Variants in ANGPT1 observed in about 807,000 individuals in gnomAD.
ANGPT1 encodes the protein angiopoietin-1.
A neutral mutation model predicts 62.2 loss-of-function variants in ANGPT1; 17 were observed. The observed-to-expected ratio is 0.27, with a 90% confidence interval of 0.19 to 0.41. The LOEUF (loss-of-function observed/expected upper bound fraction) is 0.41. Among genes scored for constraint, ANGPT1 ranks in the 10% least tolerant of loss-of-function variants. The pLI, the probability that ANGPT1 is intolerant of heterozygous loss-of-function variation, is 1.00. For synonymous variants in ANGPT1, 199 were observed against 198.9 expected (o/e 1.00, Z 0.00); for missense variants, 478 against 594.9 (o/e 0.80, Z 2.04).
intron 7 of ANGPT1, among the ~76,000 whole-genome samples, chr8:107,267,607 C>T (rs1321498392): frequency 1.3e-5 from 2 of 152,064 alleles, no homozygotes; most frequent in Non-Finnish European, 2.9e-5. Flanking sequence ...ACTTCTTCTT[C>T]CCCTTCCCCA....
At chr8:107,451,868 T>C (rs893987728) in intron 1 of ANGPT1, among the ~76,000 whole-genome samples, 18 of 152,000 alleles carry the variant, frequency 1.2e-4, no homozygotes, top group African/African-American at 4.3e-4. Context: ...CCAGAACTCT[T>C]AGTTTAATTT....
At chr8:107,399,916 G>T (rs545222010) in intron 1 of ANGPT1, among the ~76,000 whole-genome samples, 1 of 152,062 alleles carries the variant, frequency 6.6e-6, no homozygotes, top group African/African-American at 2.4e-5. Context: ...CAACTGGCCC[G>T]CATTACAGGA....
chr8:107,337,419 A>T (rs1053780904), intron 2 of ANGPT1, among the ~76,000 whole-genome samples: 1 of 152,124 alleles, frequency 6.6e-6, no homozygotes, highest in Non-Finnish European at 1.5e-5. Context: ...CCTTATTATG[A>T]CATGAGTCTG....
chr8:107,324,408 A>C (rs1186987728), intron 3 of ANGPT1, among the ~76,000 whole-genome samples: 1 of 152,034 alleles, frequency 6.6e-6, no homozygotes, highest in Non-Finnish European at 1.5e-5. Flanking sequence ...ATGTGCACAC[A>C]GGGAAAAGGT....
chr8:107,441,380 G>A (rs1358802058), intron 1 of ANGPT1, among the ~76,000 whole-genome samples: 1 of 152,026 alleles, frequency 6.6e-6, no homozygotes, highest in East Asian at 1.9e-4. Context: ...TTCAATATTC[G>A]AAGAAAGCTA....
intron 5 of ANGPT1, among the ~76,000 whole-genome samples, chr8:107,300,943 C>A (rs1490475540): frequency 1.3e-5 from 2 of 150,592 alleles, no homozygotes; most frequent in Non-Finnish European, 2.9e-5. Context: ...AAAAGCAAAC[C>A]TATTCAGGAT....
intron 3 of ANGPT1, among the ~76,000 whole-genome samples, chr8:107,331,956 A>G (rs1815431977): frequency 6.6e-6 from 1 of 152,120 alleles, no homozygotes; most frequent in Non-Finnish European, 1.5e-5. Flanking sequence ...AATATTCTTT[A>G]GCCTGGCTTT....
At chr8:107,333,584 A>G (rs1815475680) in intron 3 of ANGPT1, among the ~76,000 whole-genome samples, 1 of 152,092 alleles carries the variant, frequency 6.6e-6, no homozygotes, top group Non-Finnish European at 1.5e-5. Context: ...TTTCTGTTGA[A>G]ATTAGAATTT....
At chr8:107,282,553 C>CATATATAT (rs753412026) in intron 7 of ANGPT1, among the ~76,000 whole-genome samples, 1,067 of 50,960 alleles carry the variant, frequency 0.021, 55 homozygotes, top group Non-Finnish European at 0.028. Context: ...ATATATGAAC[C>CATATATAT]ATATATATAT....
chr8:107,287,042 T>C (rs1814158361), intron 6 of ANGPT1, among the ~76,000 whole-genome samples: 1 of 152,154 alleles, frequency 6.6e-6, no homozygotes. Context: ...CTTGCATTTT[T>C]TTGCAGCTCA....
At chr8:107,299,391 GTATA>G (rs59247214) in intron 5 of ANGPT1, among the ~76,000 whole-genome samples, 45,854 of 112,274 alleles carry the variant, frequency 0.41, 10,203 homozygotes, top group Admixed American at 0.53. Flanking sequence ...ATGAAGGAGT[GTATA>G]TATATATATA....
intron 1 of ANGPT1, among the ~76,000 whole-genome samples, chr8:107,437,813 A>G (rs1374031939): frequency 1.3e-5 from 2 of 152,098 alleles, no homozygotes; most frequent in Non-Finnish European, 2.9e-5. Flanking sequence ...TCTTGGACTA[A>G]AAAAATAAGA....
At chr8:107,281,196 C>T (rs62512816) in intron 7 of ANGPT1, among the ~76,000 whole-genome samples, 2,094 of 152,090 alleles carry the variant, frequency 0.014, 36 homozygotes, top group South Asian at 0.027. Context: ...ATGTCAAGAG[C>T]ATGATAAATG....
chr8:107,254,455 G>C (rs1813313824), intron 8 of ANGPT1, among the ~76,000 whole-genome samples: 1 of 151,640 alleles, frequency 6.6e-6, no homozygotes, highest in African/African-American at 2.4e-5. Flanking sequence ...GACTGTTATT[G>C]ACAAAAAACG....
chr8:107,279,301 G>A (rs561421002), intron 7 of ANGPT1, among the ~76,000 whole-genome samples: 2 of 152,246 alleles, frequency 1.3e-5, no homozygotes, highest in African/African-American at 4.8e-5. Context: ...GCTACAAGGT[G>A]CTTTACAAAT....
At chr8:107,280,691 G>T (rs886209827) in intron 7 of ANGPT1, among the ~76,000 whole-genome samples, 3 of 152,192 alleles carry the variant, frequency 2.0e-5, no homozygotes, top group Non-Finnish European at 4.4e-5. Flanking sequence ...GGTAGGTAAA[G>T]TTAGGGAGAG....
intron 1 of ANGPT1, among the ~76,000 whole-genome samples, chr8:107,437,315 A>C (rs1811359335): frequency 6.6e-6 from 1 of 152,178 alleles, no homozygotes. Flanking sequence ...AAGAATCAGT[A>C]ATTTTCTGAC....
chr8:107,323,211 T>G (rs1815197747), intron 3 of ANGPT1, among the ~76,000 whole-genome samples: 1 of 152,188 alleles, frequency 6.6e-6, no homozygotes, highest in South Asian at 2.1e-4. Context: ...GCCTACCAAC[T>G]GACTGGAAAT....
At chr8:107,482,501 T>C (rs1812716220) in intron 1 of ANGPT1, among the ~76,000 whole-genome samples, 1 of 152,204 alleles carries the variant, frequency 6.6e-6, no homozygotes, top group Non-Finnish European at 1.5e-5. Context: ...TTGGGGTATA[T>C]GGACTTCTAA....
Sources: allele counts gnomAD v4.1 joint callset (sites outside exome capture counted in the v4.1 genomes callset), GRCh38; gene constraint gnomAD v4.1.1; transcripts MANE v1.5; gene names NCBI Gene and HGNC (gene_info 2026-07-23, HGNC 2026-07-21).